Variants in FER observed in about 807,000 individuals in gnomAD.
FER encodes the protein tyrosine-protein kinase Fer.
In FER, 63 loss-of-function variants were observed where a neutral mutation model predicts 111.0. The observed-to-expected ratio is 0.57, with a 90% CI of 0.46 to 0.70. The LOEUF (loss-of-function observed/expected upper bound fraction) is 0.70, where lower values mean the gene tolerates loss of function less well. FER is among the 30% of genes least tolerant of loss of function. The pLI is 0.00. For synonymous variants in FER, 327 were observed against 313.9 expected (o/e 1.04, Z -0.44); for missense variants, 914 against 954.0 (o/e 0.96, Z 0.55).
Position 108,769,887 on chromosome 5 carries a change from A to G in FER, c.-60+1649A>G, listed in dbSNP as rs181308227. 6.6e-5 allele frequency among the ~76,000 whole-genome samples: 10 copies of G among 152,260 alleles called. No homozygotes were observed. In the East Asian group the frequency reaches 1.4e-3, roughly 21 times the overall value. On this transcript the variant is annotated intron_variant, in intron 2 of 19. Coordinates refer to ENST00000281092, the MANE Select transcript of FER (RefSeq NM_005246.4). The stretch of plus-strand genomic sequence containing the variant: ...GTGCTGGAAATAAAGCATCTGGCAA[A>G]TTTGTAATATATACTAGTTAATACT...
At chr5:109,160,532 C>A (rs1755877039) in intron 17 of FER, among the ~76,000 whole-genome samples, 1 of 152,152 alleles carries the variant, frequency 6.6e-6, no homozygotes, top group Non-Finnish European at 1.5e-5. Flanking sequence ...CTACTTTATT[C>A]ATTCTTAGAG....
At chr5:109,048,712 G>A (rs12188521) in intron 16 of FER, among the ~76,000 whole-genome samples, 28,656 of 152,044 alleles carry the variant, frequency 0.19, 2,868 homozygotes, top group Non-Finnish European at 0.22. Context: ...CTACTCAACA[G>A]TCTAATTATA....
intron 17 of FER, among the ~76,000 whole-genome samples, chr5:109,101,507 T>C (rs779827544): frequency 3.3e-5 from 5 of 152,072 alleles, no homozygotes; most frequent in Non-Finnish European, 5.9e-5. Context: ...ATTTTTGACT[T>C]AATTTCCCCA....
At chr5:109,001,511 AC>A (rs1764770491) in intron 13 of FER, among the ~76,000 whole-genome samples, 1 of 152,212 alleles carries the variant, frequency 6.6e-6, no homozygotes, top group African/African-American at 2.4e-5. Flanking sequence ...TCTATGACAA[AC>A]CCACTGCCAA....
At chr5:108,858,310 G>A (rs547822465) in intron 5 of FER, among the ~76,000 whole-genome samples, 1 of 152,292 alleles carries the variant, frequency 6.6e-6, no homozygotes, top group South Asian at 2.1e-4. Context: ...TACACAGAAA[G>A]TAATTTCAGT....
intron 16 of FER, among the ~76,000 whole-genome samples, chr5:109,050,634 T>A (rs191119357): frequency 1.0e-3 from 159 of 152,324 alleles, no homozygotes; most frequent in African/African-American, 3.5e-3. Context: ...GTGATGGTAA[T>A]GATATGGTGC....
intron 2 of FER, among the ~76,000 whole-genome samples, chr5:108,794,526 A>ACCCCCCCCCCCCCCGCCC (rs138716410): frequency 1.9e-5 from 2 of 106,354 alleles, no homozygotes; most frequent in Non-Finnish European, 3.7e-5. Flanking sequence ...CCCCCTCCGC[A>ACCCCCCCCCCCCCCGCCC]CCCCCCCCCC....
chr5:108,890,646 A>C (rs965765230), intron 9 of FER, among the ~76,000 whole-genome samples: 3 of 151,984 alleles, frequency 2.0e-5, no homozygotes, highest in Admixed American at 1.3e-4. Context: ...CTCCTGTATA[A>C]TCTCATCTTA....
In FER at chr5:109,084,637, C is replaced by T. The variant is rs922603081; in HGVS notation, c.1925-15759C>T. 2.0e-5 allele frequency among the ~76,000 whole-genome samples: 3 copies of T among 151,866 alleles called. No homozygotes were observed. In the East Asian group the frequency reaches 5.8e-4, roughly 29 times the overall value. On this transcript the variant is annotated intron_variant, in intron 16 of 19. Transcript: ENST00000281092. ...AAGTCCCATTATCTTCCCCCTACCC[C>T]TCTTTTGTGTGGTTACTGCTTTTGA...
intron 17 of FER, among the ~76,000 whole-genome samples, chr5:109,121,078 C>T (rs138950607): frequency 0.014 from 2,128 of 152,054 alleles, 20 homozygotes; most frequent in Non-Finnish European, 0.02. Context: ...AGTTTGGATG[C>T]TCTTTATTTC....
At chr5:109,140,054 C>T (rs145159488) in intron 17 of FER, among the ~76,000 whole-genome samples, 44 of 152,254 alleles carry the variant, frequency 2.9e-4, no homozygotes, top group Middle Eastern at 3.4e-3. Flanking sequence ...ACAATTCTAC[C>T]TTGTATAATG....
At chr5:109,144,591 A>T (rs1753874393) in intron 17 of FER, among the ~76,000 whole-genome samples, 1 of 152,106 alleles carries the variant, frequency 6.6e-6, no homozygotes, top group African/African-American at 2.4e-5. Flanking sequence ...TGAAATGTGC[A>T]TTTGGCTTGT....
chr5:108,805,064 C>T (rs184920360), intron 3 of FER, among the ~76,000 whole-genome samples: 205 of 151,394 alleles, frequency 1.4e-3, no homozygotes, highest in African/African-American at 4.3e-3. Context: ...TGATATGGTT[C>T]GGCTGTGTCC....
intron 3 of FER, among the ~76,000 whole-genome samples, chr5:108,826,580 C>T (rs988223776): frequency 1.3e-5 from 2 of 152,114 alleles, no homozygotes; most frequent in African/African-American, 4.8e-5. Context: ...GTGTCTTTGT[C>T]TGGCTTTGCT....
Position 109,191,550 on chromosome 5 carries a change from A to G in FER, c.*3975A>G, listed in dbSNP as rs1247789865. 2 of 152,150 alleles carry G rather than the reference A, an allele frequency of 1.3e-5. No homozygotes were observed. The allele number at this position is 152,150 out of a possible 1,614,324, so 9.4% of individuals were successfully genotyped here. On this transcript the variant is annotated 3_prime_UTR_variant, in exon 20 of 20. Coordinates refer to ENST00000281092, the MANE Select transcript of FER (RefSeq NM_005246.4). ...AGTGCAAAATAAGCAGCAGAGAGAC[A>G]GACAGTTGGAAAAGACATGTTTTCT...
chr5:109,160,240 G>T (rs1043146138), intron 17 of FER, among the ~76,000 whole-genome samples: 1 of 152,038 alleles, frequency 6.6e-6, no homozygotes, highest in Non-Finnish European at 1.5e-5. Flanking sequence ...ATACTGACTG[G>T]CACATCTGCA....
At chr5:108,907,078 A>G (rs1750887969) in intron 10 of FER, among the ~76,000 whole-genome samples, 1 of 152,164 alleles carries the variant, frequency 6.6e-6, no homozygotes, top group Non-Finnish European at 1.5e-5. Context: ...AATTAATAAT[A>G]TACACTTCAT....
chr5:108,938,562 C>T (rs923547374), intron 10 of FER, among the ~76,000 whole-genome samples: 1 of 151,804 alleles, frequency 6.6e-6, no homozygotes, highest in Non-Finnish European at 1.5e-5. Context: ...CACAAGGGAG[C>T]ACCTAAGAGA....
intron 2 of FER, among the ~76,000 whole-genome samples, chr5:108,772,698 T>G (rs1418165426): frequency 6.6e-6 from 1 of 152,156 alleles, no homozygotes; most frequent in Non-Finnish European, 1.5e-5. Flanking sequence ...TTGCATTAAG[T>G]TAAAGATAAG....
Sources: gnomAD v4.1 joint callset for allele counts (sites outside exome capture counted in the v4.1 genomes callset) on GRCh38, gnomAD v4.1.1 for gene constraint, MANE v1.5 for transcripts, NCBI Gene and HGNC (gene_info 2026-07-23, HGNC 2026-07-21) for gene names.